The following CEP135 variants were observed in gnomAD, a reference collection of about 807,000 sequenced individuals.
The protein encoded by CEP135 is centrosomal protein 135.
Under a neutral mutation model 157.3 loss-of-function variants are expected in CEP135, and 142 were observed. The ratio of observed to expected loss-of-function variants is 0.90; its 90% CI spans 0.79 to 1.04. CEP135 has a LOEUF of 1.04. Ranked by LOEUF, CEP135 falls within the 50% of genes least tolerant of loss-of-function variation. The probability of loss-of-function intolerance (pLI) is 0.00; values close to 1 mark genes in which losing one functional copy is unlikely to be tolerated. For missense variants in CEP135, 1,317 were observed against 1,309.2 expected, an observed-to-expected ratio of 1.01 and a Z score of -0.09; for synonymous variants, 396 against 439.8, an observed-to-expected ratio of 0.90 and a Z score of 1.25.
At chr4:55,953,905 T>C (rs1313464335) in intron 3 of CEP135, among the ~76,000 whole-genome samples, 1 of 152,238 alleles carries the variant, frequency 6.6e-6, no homozygotes, top group African/African-American at 2.4e-5. Flanking sequence ...TTATATTCAG[T>C]AGAAAACTTT....
In CEP135 at chr4:55,991,914, T is replaced by C. The variant is rs1165741735; in HGVS notation, c.1858-20T>C. On this transcript the variant is annotated intron_variant, in intron 14 of 25. Transcript: ENST00000257287. ...AACGTATTAAGATATATACCTACTG[T>C]TTTTTTATTTAAATTATAGCTTGAA... 1 of 1,307,850 alleles carries C rather than the reference T, an allele frequency of 7.6e-7. No homozygotes were observed. The highest frequency in any genetic ancestry group is 1.4e-5 in the South Asian group (1 of 72,300). The allele number at this position is 1,307,850 out of a possible 1,614,324, so 81.0% of individuals were successfully genotyped here.
At position 56,024,577 on chromosome 4, in the gene CEP135, C is replaced by T. The variant is rs1375013108; in HGVS notation, c.3397C>T (p.His1133Tyr). ...PLSSTLRSPS[H>Y]SPEHRNV ...TAGTTCCACTCTGAGGTCTCCTTCA[C>T]ATTCTCCTGAACATAGAAATGTGTA... is the stretch of plus-strand genomic sequence containing the variant. The change falls in exon 25 of 26, where the codon CAT becomes TAT. Residue 1133 changes from histidine to tyrosine, a missense_variant. Transcript: ENST00000257287. The T allele has an allele frequency of 1.2e-6, 2 of 1,613,212 alleles. No homozygotes were observed. The highest frequency in any genetic ancestry group is 2.2e-5 in the South Asian group (2 of 91,052).
At chr4:56,008,291 G>A in intron 17 of CEP135, 36 bp from the exon 18 acceptor site, 2 of 1,456,432 alleles carry the variant, frequency 1.4e-6, no homozygotes, top group Middle Eastern at 3.6e-4. Context: ...AAGACATTTT[G>A]GTTTAAAATC....
chr4:55,973,816 C>T (rs1729104405), intron 10 of CEP135, among the ~76,000 whole-genome samples: 1 of 152,182 alleles, frequency 6.6e-6, no homozygotes, highest in East Asian at 1.9e-4. Flanking sequence ...CAGTTGGCTT[C>T]TGTTGCCATC....
chr4:56,023,802 T>C (rs1351789657), intron 24 of CEP135, among the ~76,000 whole-genome samples: 1 of 141,114 alleles, frequency 7.1e-6, no homozygotes, highest in African/African-American at 2.6e-5. Context: ...TATTTATATA[T>C]TACATAATAT....
In CEP135 at chr4:56,019,387, C is replaced by A; in HGVS notation, c.3047C>A (p.Ser1016Ter). The A allele has an allele frequency of 1.9e-6, 3 of 1,613,420 alleles. No individual in the cohort carries two copies. Among genetic ancestry groups the A allele is most frequent in the South Asian group, 2.2e-5 (2 of 90,922 alleles). Reference sequence around the variant, plus strand: ...GAATTAGAAAATGTAAAGTCAGAGTCAGACCTACTGAAAAAACAACTTTCA... The same window carrying A: ...GAATTAGAAAATGTAAAGTCAGAGTAAGACCTACTGAAAAAACAACTTTCA... ...VVELENVKSE[S>*]DLLKKQLSNE... Residue 1016 changes from serine to a stop codon, truncating the protein, a stop_gained, in exon 23 of 26, where the codon TCA becomes TAA. Coordinates refer to ENST00000257287, the MANE Select transcript of CEP135 (RefSeq NM_025009.5). LOFTEE classifies it high-confidence loss of function.
intron 5 of CEP135, among the ~76,000 whole-genome samples, chr4:55,959,292 C>T (rs987258054): frequency 1.3e-5 from 2 of 152,118 alleles, no homozygotes; most frequent in African/African-American, 4.8e-5. Context: ...GTAGACAATA[C>T]AGGGTTAGGG....
At chr4:55,967,985 TA>T (rs1166698566) in intron 8 of CEP135, among the ~76,000 whole-genome samples, 2 of 152,220 alleles carry the variant, frequency 1.3e-5, no homozygotes, top group South Asian at 4.1e-4. Flanking sequence ...TATCTCTGTT[TA>T]CAGATGGCAT....
Position 55,999,300 on chromosome 4 carries a change from A to G in CEP135, c.2010-2A>G. 1 of 1,608,500 alleles carries G rather than the reference A, an allele frequency of 6.2e-7. No individual in the cohort carries two copies. Among genetic ancestry groups the G allele is most frequent in the Non-Finnish European group, 8.5e-7 (1 of 1,176,112 alleles). ...ATTTGTTTTTGTCCATTGATTCTTT[A>G]GGATAGTGAATGAGCAGCTACAGCG... On this transcript the variant is annotated splice_acceptor_variant, in intron 15 of 25. Coordinates refer to ENST00000257287, the MANE Select transcript of CEP135 (RefSeq NM_025009.5). LOFTEE classifies it high-confidence loss of function.
At position 56,024,546 on chromosome 4, in the gene CEP135, A is replaced by T. The variant is rs771142152; in HGVS notation, c.3366A>T (p.Pro1122=). The T allele has an allele frequency of 7.4e-6, 12 of 1,613,744 alleles. No individual in the cohort carries two copies. The highest frequency in any genetic ancestry group is 1.0e-5 in the Non-Finnish European group (12 of 1,179,894). Residue 1122 remains proline (P), a synonymous_variant, in exon 25 of 26, where the codon CCA becomes CCT. Transcript: ENST00000257287. ...TGCGTCGACATGGTCTTGCTACACC[A>T]CCCCTTAGTTCCACTCTGAGGTCTC... ...QEMRRHGLAT[P]PLSSTLRSPS...
At chr4:55,984,237 G>C (rs1729503132) in intron 13 of CEP135, among the ~76,000 whole-genome samples, 1 of 152,120 alleles carries the variant, frequency 6.6e-6, no homozygotes, top group Admixed American at 6.6e-5. Flanking sequence ...AAGACTCCAG[G>C]CTTAATGGAC....
intron 4 of CEP135, among the ~76,000 whole-genome samples, chr4:55,954,936 C>T (rs530856819): frequency 2.9e-4 from 44 of 152,218 alleles, no homozygotes; most frequent in African/African-American, 1.0e-3. Context: ...CAAAAATTAG[C>T]TGGGCATGGT....
At chr4:55,957,996 G>A (rs757523154) in intron 5 of CEP135, among the ~76,000 whole-genome samples, 1 of 152,196 alleles carries the variant, frequency 6.6e-6, no homozygotes, top group African/African-American at 2.4e-5. Context: ...GAATGGATGA[G>A]CACTAGTCTC....
chr4:56,003,035 T>G (rs2109718986), intron 17 of CEP135, among the ~76,000 whole-genome samples: 1 of 152,280 alleles, frequency 6.6e-6, no homozygotes, highest in African/African-American at 2.4e-5. Flanking sequence ...TCTTTCATGA[T>G]TCCTTGTATT....
chr4:56,019,249 A>G (rs1730886600), intron 22 of CEP135, 104 bp from the exon 23 acceptor site: 2 of 833,364 alleles, frequency 2.4e-6, no homozygotes, highest in African/African-American at 1.7e-5. Context: ...AAATGAAACA[A>G]GTGATAGGTG....
intron 14 of CEP135, 53 bp downstream of exon 14, chr4:55,985,411 C>A: frequency 2.5e-6 from 2 of 796,710 alleles, no homozygotes; most frequent in Middle Eastern, 2.5e-4. Flanking sequence ...ATAACTATGT[C>A]AATTACAGTT....
At chr4:55,974,437 C>A (rs977722647) in intron 10 of CEP135, among the ~76,000 whole-genome samples, 1 of 152,074 alleles carries the variant, frequency 6.6e-6, no homozygotes, top group Non-Finnish European at 1.5e-5. Flanking sequence ...ATTTTCAGGT[C>A]CCGGGAAAGT....
chr4:55,991,165 A>T (rs1343329080), intron 14 of CEP135, among the ~76,000 whole-genome samples: 2 of 152,142 alleles, frequency 1.3e-5, no homozygotes, highest in Non-Finnish European at 2.9e-5. Flanking sequence ...TTTCGTAGGG[A>T]TGGGGTTTCA....
intron 21 of CEP135, among the ~76,000 whole-genome samples, chr4:56,012,827 G>A (rs1730631947): frequency 6.6e-6 from 1 of 152,182 alleles, no homozygotes; most frequent in Admixed American, 6.5e-5. Flanking sequence ...CCTTTTGGCT[G>A]TTGTGAATAA....
Sources: allele counts gnomAD v4.1 joint callset (sites outside exome capture counted in the v4.1 genomes callset), GRCh38; gene constraint gnomAD v4.1.1; transcripts MANE v1.5; gene names NCBI Gene and HGNC (gene_info 2026-07-23, HGNC 2026-07-21).